Variants in TRRAP observed in about 807,000 individuals in gnomAD.
The protein encoded by TRRAP is transformation/transcription domain associated protein.
Under a neutral mutation model 438.8 loss-of-function variants are expected in TRRAP, and 41 were observed. The observed-to-expected ratio is 0.09, with a 90% confidence interval of 0.07 to 0.12. The LOEUF is 0.12. Among genes scored for constraint, TRRAP ranks in the 10% least tolerant of loss-of-function variants. TRRAP has a pLI of 1.00. For synonymous variants in TRRAP, 1,994 were observed against 1,962.9 expected (o/e 1.02, Z -0.42); for missense variants, 3,122 against 5,055.1 (o/e 0.62, Z 11.60).
At position 99,008,844 on chromosome 7, in the gene TRRAP, G is replaced by A. The variant is rs943220518; in HGVS notation, c.10938+283G>A. ...CTGCCTGTACTTACAAAGAAGCGCCGAAATTAGAATTTTAAAGTAAGTTTC... is the reference window on the plus strand; with the variant it reads ...CTGCCTGTACTTACAAAGAAGCGCCAAAATTAGAATTTTAAAGTAAGTTTC... On this transcript the variant is annotated intron_variant, in intron 70 of 72. Coordinates refer to ENST00000456197, the MANE Select transcript of TRRAP (RefSeq NM_001375524.1). 4.6e-5 allele frequency among the ~76,000 whole-genome samples: 7 copies of A among 152,272 alleles called. 1 individual carries two copies. Among genetic ancestry groups the A allele is most frequent in the Admixed American group, 2.6e-4 (4 of 15,300 alleles).
At position 98,897,189 on chromosome 7, in the gene TRRAP, C is replaced by T. The variant is rs1244024083; in HGVS notation, c.508-552C>T. 3.3e-5 allele frequency among the ~76,000 whole-genome samples: 5 copies of T among 152,036 alleles called. 1 individual carries two copies. Among genetic ancestry groups the T allele is most frequent in the Admixed American group, 2.0e-4 (3 of 15,256 alleles). On this transcript the variant is annotated intron_variant, in intron 7 of 72. Transcript: ENST00000456197. ...GGTGGAAGTTGCAGTGAGCCAAGAT[C>T]GTACCACTGCACTCCAGCCTGGGCA...
intron 67 of TRRAP, chr7:98,998,870 CTG>C (rs1436841986): frequency 2.8e-6 from 1 of 358,008 alleles, no homozygotes; most frequent in Non-Finnish European, 5.2e-6. Flanking sequence ...TTTTGTAAGT[CTG>C]TTAATTTCTC....
At chr7:98,920,917 A>G (rs1215937403) in intron 20 of TRRAP, among the ~76,000 whole-genome samples, 1 of 151,938 alleles carries the variant, frequency 6.6e-6, no homozygotes, top group African/African-American at 2.4e-5. Context: ...TTGGCTCACC[A>G]AAACCTCCGC....
rs781798752 is a variant in TRRAP, at chr7:98,955,095, T to C, written c.5731-3T>C. 6.2e-7 allele frequency: 1 copy of C among 1,610,580 alleles called. No homozygotes were observed. The highest frequency in any genetic ancestry group is 2.2e-5 in the East Asian group (1 of 44,742). On this transcript the variant is annotated splice_polypyrimidine_tract_variant and splice_region_variant and intron_variant, in intron 40 of 72. Coordinates refer to ENST00000456197, the MANE Select transcript of TRRAP (RefSeq NM_001375524.1). Reference sequence around the variant, plus strand: ...CTCCATAAACGTCTCTTCCCTGTTTTAGGTTTTTCATAGTCTCCTCAAGGC... The same window carrying C: ...CTCCATAAACGTCTCTTCCCTGTTTCAGGTTTTTCATAGTCTCCTCAAGGC...
intron 47 of TRRAP, among the ~76,000 whole-genome samples, chr7:98,963,472 C>G (rs1034817074): frequency 6.6e-6 from 1 of 152,192 alleles, no homozygotes; most frequent in Non-Finnish European, 1.5e-5. Flanking sequence ...TGCCTCCCTC[C>G]TCTGTGGGGT....
chr7:98,965,623 G>C, intron 48 of TRRAP, 73 bp from the exon 49 acceptor site: 1 of 1,599,434 alleles, frequency 6.3e-7, no homozygotes, highest in Non-Finnish European at 8.6e-7. Flanking sequence ...AGCATGCCAG[G>C]CAAGGCTTAG....
At chr7:98,939,959 C>G (rs1465654081) in intron 30 of TRRAP, among the ~76,000 whole-genome samples, 2 of 152,010 alleles carry the variant, frequency 1.3e-5, no homozygotes, top group African/African-American at 4.8e-5. Context: ...TCGTCTCATT[C>G]CTACCTCTGC....
At chr7:98,931,291 C>T (rs569037934) in intron 25 of TRRAP, 114 bp from the exon 26 acceptor site, 58 of 1,460,826 alleles carry the variant, frequency 4.0e-5, no homozygotes, top group African/African-American at 7.0e-5. Flanking sequence ...AAGCAGCTGG[C>T]GAGAAGGGCA....
At position 98,910,155 on chromosome 7, in the gene TRRAP, C is replaced by G. The variant is rs1797000313; in HGVS notation, c.1450C>G (p.Leu484Val). ...AGAACTTGGAGCCGTGGAAGCAGCT[C>G]TGCCTGGGGTGCCCACTGCCCCTGC... ...QSELGAVEAA[L>V]PGVPTAPAAP... is the part of the protein sequence containing the mutation. Residue 484 changes from leucine to valine, a missense_variant, in exon 15 of 73, where the codon CTG becomes GTG. Coordinates refer to ENST00000456197, the MANE Select transcript of TRRAP (RefSeq NM_001375524.1). 2 of 1,612,644 alleles carry G rather than the reference C, an allele frequency of 1.2e-6. No individual in the cohort carries two copies. The highest frequency in any genetic ancestry group is 1.7e-6 in the Non-Finnish European group (2 of 1,179,486).
intron 53 of TRRAP, among the ~76,000 whole-genome samples, chr7:98,973,708 G>A (rs1792523146): frequency 6.6e-6 from 1 of 152,170 alleles, no homozygotes; most frequent in Non-Finnish European, 1.5e-5. Context: ...TTTGTAAGAG[G>A]ATTGCTCAGG....
chr7:98,890,709 T>C (rs1795926775), intron 4 of TRRAP, among the ~76,000 whole-genome samples: 1 of 151,526 alleles, frequency 6.6e-6, no homozygotes, highest in Non-Finnish European at 1.5e-5. Flanking sequence ...TGCAAATGTA[T>C]ACAGAAGAAG....
At chr7:98,909,939 C>A (rs1796989001) in intron 14 of TRRAP, 117 bp from the exon 15 acceptor site, 1 of 1,441,368 alleles carries the variant, frequency 6.9e-7, no homozygotes, top group Non-Finnish European at 9.1e-7. Context: ...CATAGAAAAG[C>A]AGCATGACTT....
chr7:98,922,038 G>C, intron 21 of TRRAP, 85 bp downstream of exon 21: 1 of 1,554,084 alleles, frequency 6.4e-7, no homozygotes, highest in Non-Finnish European at 8.8e-7. Flanking sequence ...TTAGACCTGT[G>C]TCTTAGGCAA....
rs1215879107 is a variant in TRRAP, at chr7:98,970,307, C to T, written c.7692+16C>T. 1.1e-5 allele frequency: 17 copies of T among 1,608,976 alleles called. No individual in the cohort carries two copies. Among genetic ancestry groups the T allele is most frequent in the Non-Finnish European group, 1.4e-5 (16 of 1,179,330 alleles). ...CAAAGAGGAGGTGAGGCCCTGCACC[C>T]CACAGGCAGAATCCCAGAGAGGAGG... On this transcript the variant is annotated intron_variant, in intron 52 of 72. Transcript: ENST00000456197.
Position 98,969,970 on chromosome 7 carries a change from A to G in TRRAP, c.7513-142A>G, listed in dbSNP as rs1792336958. 4 of 929,672 alleles carry G rather than the reference A, an allele frequency of 4.3e-6. No homozygotes were observed. In the South Asian group the frequency reaches 6.6e-5, roughly 15 times the overall value. The allele number at this position is 929,672 out of a possible 1,614,324, so 57.6% of individuals were successfully genotyped here. A position where few individuals can be genotyped will look rare whatever the true frequency, so the allele number is the denominator to read the frequency against. On this transcript the variant is annotated intron_variant, in intron 51 of 72. Transcript: ENST00000456197. ...GGAGAGGAAGCCCGTCTGGTTGGGG[A>G]CAGGTGGGAAAGGGTGCTGAGCTCA...
chr7:98,958,199 C>T lies in TRRAP; in HGVS notation c.6342+108C>T, dbSNP rs1433304665. 5.6e-6 allele frequency: 5 copies of T among 885,902 alleles called. No homozygotes were observed. The African/African-American group carries it at 8.6e-5, about 15-fold the overall frequency. 54.9% of individuals were successfully genotyped at this position (885,902 alleles called of 1,614,324 possible). ...TTTCATCAAAAAAGATACAGACAAA[C>T]CAAGGTCTGCCAGCTGGTTCTGTCA... On this transcript the variant is annotated intron_variant, in intron 44 of 72. Coordinates refer to ENST00000456197, the MANE Select transcript of TRRAP (RefSeq NM_001375524.1).
At chr7:98,967,821 T>C in intron 51 of TRRAP, 123 bp downstream of exon 51, 1 of 846,232 alleles carries the variant, frequency 1.2e-6, no homozygotes, top group Non-Finnish European at 1.8e-6. Context: ...ACAAACCTGC[T>C]TCTGATCTCC....
chr7:98,930,518 C>T (rs1233735323), intron 24 of TRRAP, 115 bp from the exon 25 acceptor site: 20 of 1,335,192 alleles, frequency 1.5e-5, no homozygotes, highest in South Asian at 4.0e-5. Flanking sequence ...ATGGAGGTTG[C>T]GGTGAGCCGA....
intron 63 of TRRAP, 59 bp downstream of exon 63, chr7:98,989,025 G>A: frequency 6.4e-7 from 1 of 1,552,142 alleles, no homozygotes. Context: ...GATTTGGACA[G>A]AAATTTAGCT....
Sources: gnomAD v4.1 joint callset for allele counts (sites outside exome capture counted in the v4.1 genomes callset) on GRCh38, gnomAD v4.1.1 for gene constraint, MANE v1.5 for transcripts, NCBI Gene and HGNC (gene_info 2026-07-23, HGNC 2026-07-21) for gene names.